The following CDC20B variants were observed in gnomAD, a reference collection of about 807,000 sequenced individuals.
The protein encoded by CDC20B is cell division cycle 20B.
In CDC20B, 58 loss-of-function variants were observed where a neutral mutation model predicts 64.1. That is an observed-to-expected ratio of 0.90 (90% CI 0.73 to 1.13). The LOEUF is 1.13. CDC20B is among the 50% of genes most tolerant of loss of function. The probability of loss-of-function intolerance (pLI) is 0.00; values close to 1 mark genes in which losing one functional copy is unlikely to be tolerated. For missense variants in CDC20B, 597 were observed against 633.0 expected (o/e 0.94, Z 0.61); for synonymous variants, 243 against 230.6 (o/e 1.05, Z -0.49).
intron 2 of CDC20B, among the ~76,000 whole-genome samples, chr5:55,148,249 T>C (rs1743553670): frequency 6.6e-6 from 1 of 152,200 alleles, no homozygotes; most frequent in Non-Finnish European, 1.5e-5. Flanking sequence ...ATGTTAGCAA[T>C]AATTTTTTTG....
chr5:55,114,028 A>G lies in CDC20B; in HGVS notation c.*190T>C, dbSNP rs1742567299. On this transcript the variant is annotated 3_prime_UTR_variant, in exon 12 of 12. Transcript: ENST00000381375. This position sits in a 1 kb window ranked among gnomAD's most constrained non-coding sequence, Gnocchi z 4.1. ...GGGCAGAAAGAAGAAAGCAGAGAAG[A>G]AAAGAAGCGGATCTCTGGGAAGCAG... 9.7e-7 allele frequency: 1 copy of G among 1,028,340 alleles called. No individual in the cohort carries two copies. The highest frequency in any genetic ancestry group is 3.3e-5 in the Admixed American group (1 of 30,370). The allele number at this position is 1,028,340 out of a possible 1,614,324, so 63.7% of individuals were successfully genotyped here. A position where few individuals can be genotyped will look rare whatever the true frequency, so the allele number is the denominator to read the frequency against.
intron 6 of CDC20B, among the ~76,000 whole-genome samples, chr5:55,131,159 A>G (rs1743019017): frequency 6.6e-6 from 1 of 152,076 alleles, no homozygotes; most frequent in African/African-American, 2.4e-5. Context: ...AACAATAACA[A>G]ACAAACAAAC....
At chr5:55,161,660 G>T (rs1045121349) in intron 2 of CDC20B, among the ~76,000 whole-genome samples, 1 of 152,118 alleles carries the variant, frequency 6.6e-6, no homozygotes, top group African/African-American at 2.4e-5. Flanking sequence ...TATGTTTGTG[G>T]CTAATTTTAT....
intron 2 of CDC20B, chr5:55,160,533 C>T (rs1743992503): frequency 1.6e-6 from 1 of 628,978 alleles, no homozygotes; most frequent in East Asian, 2.7e-5. Context: ...TAGTACATCA[C>T]TTTAGTTATT....
chr5:55,153,425 T>C (rs766116436), intron 2 of CDC20B, among the ~76,000 whole-genome samples: 3 of 152,082 alleles, frequency 2.0e-5, no homozygotes, highest in Non-Finnish European at 4.4e-5. Context: ...TCAGAACCAA[T>C]ACTTGTTAGT....
At chr5:55,164,440 A>G in intron 2 of CDC20B, 1 of 311,404 alleles carries the variant, frequency 3.2e-6, no homozygotes. Context: ...GTGGTAATGA[A>G]TGTTCCCAGG....
At chr5:55,160,086 A>G (rs1743951068) in intron 2 of CDC20B, 1 of 750,448 alleles carries the variant, frequency 1.3e-6, no homozygotes, top group Admixed American at 2.2e-5. Flanking sequence ...TAGCAGTGAA[A>G]GCAGTCAGCC....
intron 2 of CDC20B, among the ~76,000 whole-genome samples, chr5:55,154,342 C>T (rs968443156): frequency 3.0e-4 from 45 of 151,992 alleles, no homozygotes; most frequent in African/African-American, 1.0e-3. Context: ...CAAGTGAGAC[C>T]CCATCTCTAA....
At chr5:55,120,319 C>A in intron 10 of CDC20B, 106 bp downstream of exon 10, 1 of 1,296,268 alleles carries the variant, frequency 7.7e-7, no homozygotes, top group Non-Finnish European at 1.1e-6. Context: ...TCCTTATGGA[C>A]TCAATAGAGA....
intron 2 of CDC20B, chr5:55,160,869 A>C: frequency 9.5e-7 from 1 of 1,054,146 alleles, no homozygotes. Context: ...ATGTCCAAAA[A>C]TATGAAAAAA....
intron 2 of CDC20B, among the ~76,000 whole-genome samples, chr5:55,157,750 T>A (rs1743854699): frequency 6.6e-6 from 1 of 152,214 alleles, no homozygotes; most frequent in Admixed American, 6.5e-5. Flanking sequence ...GTACTTATAA[T>A]ACAATGGACT....
chr5:55,137,178 A>G (rs1743199943), intron 5 of CDC20B: 1 of 1,140 alleles, frequency 8.8e-4, no homozygotes, highest in South Asian at 0.042. Flanking sequence ...CTCTGTCTCA[A>G]AAAAAAAAAA....
At position 55,143,557 on chromosome 5, in the gene CDC20B, C is replaced by T. The variant is rs746154788; in HGVS notation, c.442G>A (p.Ala148Thr). 1 of 1,611,584 alleles carries T rather than the reference C, an allele frequency of 6.2e-7. No individual in the cohort carries two copies. The highest frequency in any genetic ancestry group is 2.2e-5 in the East Asian group (1 of 44,842). Reference sequence around the variant, plus strand: ...CTTTCTTTCCAGTCTCTGTCCATTGCATGAGGTGCCTTGCAAAAATGGAGA... The same window carrying T: ...CTTTCTTTCCAGTCTCTGTCCATTGTATGAGGTGCCTTGCAAAAATGGAGA... ...SALHFCKAPHAMDRDWKESVA... is the reference protein window; with the variant it reads ...SALHFCKAPHTMDRDWKESVA... Residue 148 changes from alanine to threonine, a missense_variant, in exon 4 of 12, where the codon GCA becomes ACA. Transcript: ENST00000381375.
chr5:55,138,289 T>C (rs1020468908), intron 5 of CDC20B, among the ~76,000 whole-genome samples: 1 of 152,002 alleles, frequency 6.6e-6, no homozygotes, highest in Non-Finnish European at 1.5e-5. Flanking sequence ...ATCTCCCAAG[T>C]AGCTGGGATT....
intron 2 of CDC20B, among the ~76,000 whole-genome samples, chr5:55,150,902 C>T (rs1743646633): frequency 6.6e-6 from 1 of 152,138 alleles, no homozygotes; most frequent in African/African-American, 2.4e-5. Context: ...TGCACCACCA[C>T]ACCTGGCTAA....
intron 3 of CDC20B, 25 bp downstream of exon 3, chr5:55,146,603 G>A: frequency 6.5e-7 from 1 of 1,534,776 alleles, no homozygotes; most frequent in East Asian, 2.3e-5. Context: ...TGCAAAACGG[G>A]GCTGTGGCGT....
intron 9 of CDC20B, among the ~76,000 whole-genome samples, chr5:55,122,466 T>C (rs894721867): frequency 6.6e-6 from 1 of 151,994 alleles, no homozygotes. Context: ...CTGCGGCAGA[T>C]TGTATTTTCC....
At chr5:55,167,660 G>A (rs924817989) in intron 2 of CDC20B, among the ~76,000 whole-genome samples, 2 of 152,234 alleles carry the variant, frequency 1.3e-5, no homozygotes, top group South Asian at 2.1e-4. Flanking sequence ...AGGAGTTAGA[G>A]ACCAGCCTGG....
At chr5:55,137,452 A>G (rs535516412) in intron 5 of CDC20B, 10 of 436,360 alleles carry the variant, frequency 2.3e-5, no homozygotes, top group African/African-American at 1.8e-4. Flanking sequence ...TTTGGATAAC[A>G]TTTGTCCCCG....
Sources: gnomAD v4.1 joint callset for allele counts (sites outside exome capture counted in the v4.1 genomes callset) on GRCh38, gnomAD v4.1.1 for gene constraint, Gnocchi (gnomAD v3.1) non-coding constraint, MANE v1.5 for transcripts, NCBI Gene and HGNC (gene_info 2026-07-23, HGNC 2026-07-21) for gene names.